Variants in TCF4 observed in about 807,000 individuals in gnomAD.
TCF4 encodes SL3-3 enhancer factor 2.
Under a neutral mutation model 82.1 loss-of-function variants are expected in TCF4, and 3 were observed. The observed-to-expected ratio is 0.04, with a 90% CI of 0.02 to 0.09. TCF4 has a LOEUF of 0.09. Ranked by LOEUF, TCF4 falls within the 10% of genes least tolerant of loss-of-function variation. TCF4 has a pLI of 1.00. For missense variants in TCF4, 518 were observed against 852.7 expected (o/e 0.61, Z 4.89); for synonymous variants, 276 against 309.6 (o/e 0.89, Z 1.14).
chr18:55,390,278 C>T (rs1241687961), intron 6 of TCF4, among the ~76,000 whole-genome samples: 5 of 127,750 alleles, frequency 3.9e-5, no homozygotes, highest in Non-Finnish European at 7.9e-5. Flanking sequence ...CAGCAGGACC[C>T]TGACTCTTAA....
intron 3 of TCF4, among the ~76,000 whole-genome samples, chr18:55,554,444 A>G (rs1372746214): frequency 6.6e-6 from 1 of 152,148 alleles, no homozygotes. Flanking sequence ...TCTGGTTTAC[A>G]GTGAATGGAA....
chr18:55,509,039 C>T (rs1175464829), intron 3 of TCF4, among the ~76,000 whole-genome samples: 4 of 152,124 alleles, frequency 2.6e-5, no homozygotes, highest in South Asian at 2.1e-4. Context: ...AGGAAAAATA[C>T]TCCATTTCTG....
chr18:55,303,744 A>G (rs2069183181), intron 8 of TCF4, among the ~76,000 whole-genome samples: 1 of 152,200 alleles, frequency 6.6e-6, no homozygotes, highest in Non-Finnish European at 1.5e-5. Context: ...GGACAGAAAA[A>G]AGGAAGAAGA....
chr18:55,500,434 A>G (rs1347787462), intron 3 of TCF4, among the ~76,000 whole-genome samples: 1 of 152,232 alleles, frequency 6.6e-6, no homozygotes, highest in Non-Finnish European at 1.5e-5. Flanking sequence ...TGCTTCTTAA[A>G]GTGCTGATAA....
chr18:55,615,558 C>A (rs1277490523), intron 2 of TCF4, among the ~76,000 whole-genome samples: 2 of 151,898 alleles, frequency 1.3e-5, no homozygotes, highest in Non-Finnish European at 2.9e-5. Flanking sequence ...ACCTTAAATG[C>A]AATGTTGAAT....
chr18:55,561,600 TAAAG>T (rs1380991561), intron 3 of TCF4, among the ~76,000 whole-genome samples: 1 of 152,350 alleles, frequency 6.6e-6, no homozygotes, highest in East Asian at 1.9e-4. Context: ...CCTGGTTCCA[TAAAG>T]AATCTAATCT....
chr18:55,596,618 T>C (rs1398744943), intron 2 of TCF4, among the ~76,000 whole-genome samples: 3 of 152,198 alleles, frequency 2.0e-5, no homozygotes, highest in African/African-American at 7.2e-5. Context: ...GAATCGTGCA[T>C]GTGACAACAG....
At chr18:55,534,499 T>C (rs2097098145) in intron 3 of TCF4, among the ~76,000 whole-genome samples, 1 of 152,226 alleles carries the variant, frequency 6.6e-6, no homozygotes, top group South Asian at 2.1e-4. Context: ...CTCCCTCCCC[T>C]GTCTGCACTC....
At position 55,352,337 on chromosome 18, in the gene TCF4, C is replaced by T. The variant is rs549749030; in HGVS notation, c.370-1334G>A. Among the ~76,000 whole-genome samples, 24 of 152,172 alleles carry T rather than the reference C, an allele frequency of 1.6e-4. No homozygotes were observed. The East Asian group carries it at 2.3e-3, about 15-fold the overall frequency. On this transcript the variant is annotated intron_variant, in intron 6 of 19. Transcript: ENST00000354452. Reference sequence around the variant, plus strand: ...AAAAATTCAAACCTCCCCTTTCCACCGCCATATAGCTAAATATCATAAAGA... The same window carrying T: ...AAAAATTCAAACCTCCCCTTTCCACTGCCATATAGCTAAATATCATAAAGA...
chr18:55,266,256 T>C (rs919915920), intron 11 of TCF4: 3 of 152,216 alleles, frequency 2.0e-5, no homozygotes, highest in Non-Finnish European at 2.9e-5. Flanking sequence ...CTATTCTCTA[T>C]AGCTGGTATC....
At chr18:55,389,425 G>GGCTTCCAA (rs1443993523) in intron 6 of TCF4, among the ~76,000 whole-genome samples, 1 of 152,136 alleles carries the variant, frequency 6.6e-6, no homozygotes, top group African/African-American at 2.4e-5. Context: ...GTGCTCCAAA[G>GGCTTCCAA]GCTTCCTGAG....
intron 3 of TCF4, among the ~76,000 whole-genome samples, chr18:55,507,600 G>A (rs778424684): frequency 2.4e-4 from 37 of 152,050 alleles, no homozygotes; most frequent in Non-Finnish European, 4.9e-4. Context: ...GCCTACCTAG[G>A]GGTTCCATAT....
chr18:55,374,065 C>T (rs1279616905), intron 6 of TCF4, among the ~76,000 whole-genome samples: 1 of 151,860 alleles, frequency 6.6e-6, no homozygotes, highest in Admixed American at 6.6e-5. Context: ...AACTCTTGAA[C>T]TACACAAGAA....
rs368209706 is a variant in TCF4, at chr18:55,264,309, G to T, written c.923-2776C>A. On this transcript the variant is annotated intron_variant, in intron 11 of 19. Coordinates refer to ENST00000354452, the MANE Select transcript of TCF4 (RefSeq NM_001083962.2). ...CCCATGGAAACCACTGATAAGAACAGACTATTTTTTAACATGAAGCGATTT... is the reference window on the plus strand; with the variant it reads ...CCCATGGAAACCACTGATAAGAACATACTATTTTTTAACATGAAGCGATTT... Among the ~76,000 whole-genome samples the T allele has an allele frequency of 1.8e-4, 28 of 152,286 alleles. No homozygotes were observed. In the East Asian group the frequency reaches 3.7e-3, roughly 20 times the overall value.
intron 15 of TCF4, among the ~76,000 whole-genome samples, chr18:55,249,522 C>T (rs2054352477): frequency 6.6e-6 from 1 of 152,188 alleles, no homozygotes; most frequent in South Asian, 2.1e-4. Context: ...CTCTACTAAA[C>T]AACCATGTGA....
At chr18:55,384,362 C>T (rs1324453649) in intron 6 of TCF4, among the ~76,000 whole-genome samples, 1 of 152,198 alleles carries the variant, frequency 6.6e-6, no homozygotes, top group Non-Finnish European at 1.5e-5. Context: ...AATCACAGCC[C>T]TTCCCTGCGC....
intron 8 of TCF4, among the ~76,000 whole-genome samples, chr18:55,291,034 C>A (rs1219142317): frequency 6.6e-6 from 1 of 152,174 alleles, no homozygotes; most frequent in Non-Finnish European, 1.5e-5. Flanking sequence ...CCATTATCTT[C>A]TTTAATCATC....
At chr18:55,234,798 G>T in intron 15 of TCF4, 115 bp from the exon 16 acceptor site, 1 of 1,505,212 alleles carries the variant, frequency 6.6e-7, no homozygotes, top group Non-Finnish European at 9.2e-7. Context: ...ACTCCCAAAC[G>T]CGTTTCACTA....
chr18:55,635,600 G>C, intron 1 of TCF4: 1 of 1,405,924 alleles, frequency 7.1e-7, no homozygotes, highest in South Asian at 1.5e-5. Context: ...AGAGGTTAGA[G>C]AGCTAGAAAC....
Sources: allele counts gnomAD v4.1 joint callset (sites outside exome capture counted in the v4.1 genomes callset), GRCh38; gene constraint gnomAD v4.1.1; transcripts MANE v1.5; gene names NCBI Gene and HGNC (gene_info 2026-07-23, HGNC 2026-07-21).